GATM: variants seen among roughly 807,000 people sequenced by gnomAD.
GATM encodes glycine amidinotransferase.
In GATM, 23 loss-of-function variants were observed where a neutral mutation model predicts 54.2. That is an observed-to-expected ratio of 0.42 (90% CI 0.31 to 0.60). The LOEUF is 0.60. Ranked by LOEUF, GATM falls within the 20% of genes least tolerant of loss-of-function variation. The probability of loss-of-function intolerance (pLI) is 0.14; values close to 1 mark genes in which losing one functional copy is unlikely to be tolerated. For synonymous variants in GATM, 168 were observed against 183.1 expected (o/e 0.92, Z 0.67); for missense variants, 401 against 544.9 (o/e 0.74, Z 2.63).
chr15:45,369,871 TAGAG>T (rs1203169729), intron 2 of GATM, among the ~76,000 whole-genome samples: 1 of 152,154 alleles, frequency 6.6e-6, no homozygotes, highest in Non-Finnish European at 1.5e-5. Flanking sequence ...GCACTTCTAT[TAGAG>T]AGCCTCAATA....
intron 2 of GATM, among the ~76,000 whole-genome samples, chr15:45,376,104 G>A (rs1268633947): frequency 6.6e-6 from 1 of 152,192 alleles, no homozygotes. Flanking sequence ...ATAATTAAAA[G>A]GCAGGAATGA....
intron 2 of GATM, chr15:45,399,519 A>C (rs1889973462): frequency 6.5e-6 from 1 of 153,170 alleles, no homozygotes; most frequent in South Asian, 2.0e-4. Flanking sequence ...AGGTACAATG[A>C]GCTGTCTCTA....
intron 1 of GATM, among the ~76,000 whole-genome samples, chr15:45,400,892 TGA>T (rs1889993732): frequency 6.6e-6 from 1 of 152,204 alleles, no homozygotes; most frequent in South Asian, 2.1e-4. Flanking sequence ...AGGAACTCGA[TGA>T]GGTACAGGCT....
upstream of GATM, among the ~76,000 whole-genome samples, chr15:45,382,807 A>G (rs935555724): frequency 1.3e-5 from 2 of 151,928 alleles, no homozygotes; most frequent in African/African-American, 2.4e-5. Flanking sequence ...AATATTAGTA[A>G]TAATAATAAT....
At chr15:45,387,901 T>G (rs1462721959) in intron 3 of GATM, among the ~76,000 whole-genome samples, 9 of 152,220 alleles carry the variant, frequency 5.9e-5, no homozygotes, top group Non-Finnish European at 1.3e-4. Flanking sequence ...AGTGAACTTT[T>G]GGAAAACAGA....
At chr15:45,396,154 T>G (rs752305066) in intron 3 of GATM, 1 of 152,168 alleles carries the variant, frequency 6.6e-6, no homozygotes, top group Admixed American at 6.5e-5. Context: ...TCGAGGAAAG[T>G]TGATAAACTT....
chr15:45,377,236 T>A, intron 1 of GATM: 1 of 488,610 alleles, frequency 2.0e-6, no homozygotes, highest in Admixed American at 2.1e-5. Flanking sequence ...AACCTCCTTT[T>A]CCCTTAAGTA....
In GATM at chr15:45,363,826, T is replaced by C. The variant is rs1406079806; in HGVS notation, c.1159+74A>G. 4.5e-6 allele frequency: 4 copies of C among 892,336 alleles called. No homozygotes were observed. In the Admixed American group the frequency reaches 7.1e-5, roughly 16 times the overall value. The allele number at this position is 892,336 out of a possible 1,614,324, so 55.3% of individuals were successfully genotyped here. On this transcript the variant is annotated intron_variant, in intron 8 of 8. Transcript: ENST00000396659. ...AATTAGACAAACCATTTATCAAACC[T>C]AGCATGTCATTTCTTTAGTTCTTCT...
rs1468263471 is a variant in GATM at position 45,368,548 on chromosome 15, G to A, written c.485-288C>T. On this transcript the variant is annotated intron_variant, in intron 3 of 8. Coordinates refer to ENST00000396659, the MANE Select transcript of GATM (RefSeq NM_001482.3). This position sits in a 1 kb window ranked among gnomAD's most constrained non-coding sequence, Gnocchi z 5.1. ...GAATCACTTGAACCAAGAGGCAAAG[G>A]CTGCAGTGAGCCGAGATTGTGCCAC... 1.3e-5 allele frequency among the ~76,000 whole-genome samples: 2 copies of A among 151,956 alleles called. No homozygotes were observed. The highest frequency in any genetic ancestry group is 4.8e-5 in the African/African-American group (2 of 41,360).
intron 2 of GATM, among the ~76,000 whole-genome samples, chr15:45,371,540 T>C (rs1001097645): frequency 6.6e-6 from 1 of 152,238 alleles, no homozygotes; most frequent in African/African-American, 2.4e-5. Flanking sequence ...GTGTCTACTT[T>C]AGCTGGATAT....
At chr15:45,386,033 T>C (rs1889800250) in intron 3 of GATM, among the ~76,000 whole-genome samples, 1 of 152,218 alleles carries the variant, frequency 6.6e-6, no homozygotes, top group South Asian at 2.1e-4. Flanking sequence ...CATGTAAAAG[T>C]AATAAAATTT....
chr15:45,378,837 A>C, upstream of GATM: 1 of 230,180 alleles, frequency 4.3e-6, no homozygotes, highest in Non-Finnish European at 8.3e-6. Flanking sequence ...TGACGAAGTG[A>C]CAATGGTCTA....
chr15:45,390,095 G>A (rs1451139888), intron 3 of GATM, among the ~76,000 whole-genome samples: 4 of 151,856 alleles, frequency 2.6e-5, no homozygotes, highest in African/African-American at 9.7e-5. Context: ...CAAGCGATCC[G>A]CCTGCCACAG....
At chr15:45,389,817 T>C (rs1236481463) in intron 3 of GATM, among the ~76,000 whole-genome samples, 1 of 152,174 alleles carries the variant, frequency 6.6e-6, no homozygotes, top group East Asian at 1.9e-4. Flanking sequence ...CAAATTCTGA[T>C]TCAGGCCTAA....
At chr15:45,378,158 C>A (rs886572719) in intron 1 of GATM, 1 of 478,016 alleles carries the variant, frequency 2.1e-6, no homozygotes. Flanking sequence ...GCTGGAGCCG[C>A]AACGCAAGTT....
At chr15:45,397,420 T>C (rs1244598825) in intron 2 of GATM, 1 of 152,058 alleles carries the variant, frequency 6.6e-6, no homozygotes, top group African/African-American at 2.4e-5. Flanking sequence ...TAATAATTGA[T>C]CATGCCTACG....
intron 3 of GATM, among the ~76,000 whole-genome samples, chr15:45,390,729 GA>G (rs1249741018): frequency 0.14 from 21,514 of 152,184 alleles, 5,021 homozygotes; most frequent in African/African-American, 0.49. Context: ...AAGCTGATAA[GA>G]TACACAGAAT....
In GATM at chr15:45,366,484, C is replaced by G. The variant is rs758138751; in HGVS notation, c.700G>C (p.Asp234His). The change falls in exon 5 of 9, where the codon GAC becomes CAC. Residue 234 changes from aspartate (D) to histidine (H), a missense_variant. Coordinates refer to ENST00000396659, the MANE Select transcript of GATM (RefSeq NM_001482.3). Reference sequence around the variant, plus strand: ...CCCTGAGCAGCCAATTTGTGTCTGTCTTCTACAGAGTGGATGGGATAATCC... The same window carrying G: ...CCCTGAGCAGCCAATTTGTGTCTGTGTTCTACAGAGTGGATGGGATAATCC... Reference protein sequence around the residue: ...NQDYPIHSVEDRHKLAAQGKF... With the variant: ...NQDYPIHSVEHRHKLAAQGKF... 5.0e-6 allele frequency: 8 copies of G among 1,613,968 alleles called. No individual in the cohort carries two copies. In the South Asian group the frequency reaches 8.8e-5, roughly 18 times the overall value.
intron 1 of GATM, chr15:45,377,338 C>T: frequency 2.3e-6 from 1 of 428,392 alleles, no homozygotes; most frequent in South Asian, 1.7e-5. Context: ...TTCAGAATAA[C>T]CAGCTTCAAA....
Sources: allele counts gnomAD v4.1 joint callset (sites outside exome capture counted in the v4.1 genomes callset), GRCh38; gene constraint gnomAD v4.1.1; non-coding constraint Gnocchi (gnomAD v3.1); transcripts MANE v1.5; gene names NCBI Gene and HGNC (gene_info 2026-07-23, HGNC 2026-07-21).